Variants in DET1 observed in about 807,000 individuals in gnomAD.
DET1 encodes the protein DET1 homolog.
Under a neutral mutation model 43.7 loss-of-function variants are expected in DET1, and 22 were observed. The ratio of observed to expected loss-of-function variants is 0.50; its 90% CI spans 0.36 to 0.72. DET1 has a LOEUF of 0.72. Among genes scored for constraint, DET1 ranks in the 30% least tolerant of loss-of-function variants. DET1 has a pLI of 0.00. For synonymous variants in DET1, 315 were observed against 266.2 expected, an observed-to-expected ratio of 1.18 and a Z score of -1.79; for missense variants, 713 against 713.3, an observed-to-expected ratio of 1.00 and a Z score of 0.00.
chr15:88,512,817 G>A lies in DET1; in HGVS notation c.*134C>T. Reference sequence around the variant, plus strand: ...TTGAGCCACCCTCACTCCTCTCTCTGGCTCTCTCCCATCTGAGGTATAGCA... The same window carrying A: ...TTGAGCCACCCTCACTCCTCTCTCTAGCTCTCTCCCATCTGAGGTATAGCA... On this transcript the variant is annotated 3_prime_UTR_variant, in exon 5 of 5. Coordinates refer to ENST00000268148, the MANE Select transcript of DET1 (RefSeq NM_001144074.3). The A allele has an allele frequency of 6.9e-7, 1 of 1,444,396 alleles. No homozygotes were observed. Among genetic ancestry groups the A allele is most frequent in the Non-Finnish European group, 9.1e-7 (1 of 1,098,352 alleles). The allele number at this position is 1,444,396 out of a possible 1,614,324, so 89.5% of individuals were successfully genotyped here.
rs1320217640 is a variant in DET1, at chr15:88,531,389, G to C, written c.317C>G (p.Ser106Cys). 2.5e-6 allele frequency: 4 copies of C among 1,613,922 alleles called. No homozygotes were observed. The South Asian group carries it at 3.3e-5, about 13-fold the overall frequency. The change falls in exon 2 of 5, where the codon TCC becomes TGC. Residue 106 changes from serine (S) to cysteine (C), a missense_variant. Coordinates refer to ENST00000268148, the MANE Select transcript of DET1 (RefSeq NM_001144074.3). The surrounding 1 kb of genome is among the most constrained non-coding windows in gnomAD (Gnocchi z 6.2). ...CACTGACCGCTGGTCATTGCCATTG[G>C]ACAGGATTTCTCCTTCGTATCCCTG... ...LLQGYEGEIL[S>C]NGNDQRSVNI...
chr15:88,523,812 G>C (rs1487461140), intron 3 of DET1, among the ~76,000 whole-genome samples: 1 of 152,164 alleles, frequency 6.6e-6, no homozygotes, highest in African/African-American at 2.4e-5. Flanking sequence ...CCAGCCGCCT[G>C]CCTTGGCCTC....
At position 88,531,481 on chromosome 15, in the gene DET1, A is replaced by C. The variant is rs768570785; in HGVS notation, c.225T>G (p.Phe75Leu). ...TTTCAAGAGATGTCTGGTCTGAAGA[A>C]AAAGCAATAAAGTAGCGTCCATCAG... ...FSPDGRYFIA[F>L]SSDQTSLEIY... is the part of the protein sequence containing the mutation. Residue 75 changes from phenylalanine (F) to leucine (L), a missense_variant, in exon 2 of 5, where the codon TTT becomes TTG. By Grantham distance (22) the Phe-to-Leu change is conservative. Transcript: ENST00000268148. This position sits in a 1 kb window ranked among gnomAD's most constrained non-coding sequence, Gnocchi z 6.2. 1.9e-6 allele frequency: 3 copies of C among 1,614,034 alleles called. No individual in the cohort carries two copies. Among genetic ancestry groups the C allele is most frequent in the Non-Finnish European group, 2.5e-6 (3 of 1,179,904 alleles).
chr15:88,522,819 T>TG (rs1343194792), intron 3 of DET1, among the ~76,000 whole-genome samples: 1 of 151,420 alleles, frequency 6.6e-6, no homozygotes, highest in Non-Finnish European at 1.5e-5. Flanking sequence ...CGCACCCGGC[T>TG]GGAATGTTCC....
chr15:88,524,650 C>G (rs971917850), intron 3 of DET1, among the ~76,000 whole-genome samples: 1 of 152,168 alleles, frequency 6.6e-6, no homozygotes. Context: ...TGACCTTACC[C>G]CCAACCCTGT....
At chr15:88,534,640 A>C (rs973457422) in intron 1 of DET1, among the ~76,000 whole-genome samples, 2 of 152,144 alleles carry the variant, frequency 1.3e-5, no homozygotes, top group Non-Finnish European at 2.9e-5. Flanking sequence ...AATCATACTA[A>C]AGGCTTTGAG....
At chr15:88,527,183 T>G (rs2056685744) in intron 3 of DET1, among the ~76,000 whole-genome samples, 1 of 152,248 alleles carries the variant, frequency 6.6e-6, no homozygotes, top group African/African-American at 2.4e-5. Flanking sequence ...ATACCTCTAA[T>G]GTTTATACCT....
intron 1 of DET1, among the ~76,000 whole-genome samples, chr15:88,540,032 G>T (rs1156957070): frequency 1.3e-5 from 2 of 152,048 alleles, no homozygotes; most frequent in African/African-American, 4.8e-5. Flanking sequence ...TCTTAAAAAT[G>T]ACCTGAGTGG....
chr15:88,539,491 G>C (rs1185221063), intron 1 of DET1, among the ~76,000 whole-genome samples: 1 of 147,936 alleles, frequency 6.8e-6, no homozygotes, highest in African/African-American at 2.5e-5. Flanking sequence ...TGTCAAAACT[G>C]TTTACCTGCC....
At chr15:88,534,072 T>G (rs557046221) in intron 1 of DET1, among the ~76,000 whole-genome samples, 1 of 152,092 alleles carries the variant, frequency 6.6e-6, no homozygotes, top group Non-Finnish European at 1.5e-5. Flanking sequence ...ACTACTGAAC[T>G]GTACACTTAC....
chr15:88,533,940 AT>A (rs1206391309), intron 1 of DET1, among the ~76,000 whole-genome samples: 1 of 151,780 alleles, frequency 6.6e-6, no homozygotes, highest in African/African-American at 2.4e-5. Flanking sequence ...ACAAAGAAGA[AT>A]GGTGGTCACC....
intron 1 of DET1, among the ~76,000 whole-genome samples, chr15:88,539,114 T>A (rs10459695): frequency 0.087 from 13,263 of 151,632 alleles, 1,254 homozygotes; most frequent in East Asian, 0.51. Context: ...TCTCTCTCTC[T>A]CTTTCTCTTA....
At chr15:88,546,219 CT>C (rs1221864017) in intron 1 of DET1, 22 of 153,768 alleles carry the variant, frequency 1.4e-4, no homozygotes, top group African/African-American at 4.3e-4. Context: ...TCTAACACCC[CT>C]GGGTACAACA....
chr15:88,544,420 G>A (rs1026980772), intron 1 of DET1, among the ~76,000 whole-genome samples: 5 of 152,134 alleles, frequency 3.3e-5, no homozygotes, highest in Middle Eastern at 3.2e-3. Context: ...GCTAAGAGAT[G>A]CCCAACTGGC....
At chr15:88,529,036 T>C (rs1014019397) in intron 2 of DET1, among the ~76,000 whole-genome samples, 1 of 152,164 alleles carries the variant, frequency 6.6e-6, no homozygotes, top group Admixed American at 6.5e-5. Flanking sequence ...AGATTGGGTT[T>C]AGAGTTACAA....
chr15:88,517,075 A>G, intron 3 of DET1, 102 bp from the exon 4 acceptor site: 2 of 842,880 alleles, frequency 2.4e-6, no homozygotes, highest in Non-Finnish European at 3.6e-6. Flanking sequence ...TCATTCTTTA[A>G]ATACAAATTA....
chr15:88,523,117 C>G (rs552974862), intron 3 of DET1, among the ~76,000 whole-genome samples: 1 of 152,156 alleles, frequency 6.6e-6, no homozygotes, highest in South Asian at 2.1e-4. Context: ...CTCAAGCGAT[C>G]AGTCCACGCC....
At chr15:88,511,448 T>C (rs755938917), downstream of DET1, 386 of 985,404 alleles carry the variant, frequency 3.9e-4, no homozygotes, top group Non-Finnish European at 4.3e-4. Flanking sequence ...CATACTTCCA[T>C]GCCTTTGTAT....
intron 1 of DET1, among the ~76,000 whole-genome samples, chr15:88,536,768 C>T (rs1470778439): frequency 1.4e-5 from 1 of 71,672 alleles, no homozygotes; most frequent in African/African-American, 1.7e-4. Flanking sequence ...AAGACTCCAT[C>T]TCAAAAAAAA....
Sources: allele counts gnomAD v4.1 joint callset (sites outside exome capture counted in the v4.1 genomes callset), GRCh38; gene constraint gnomAD v4.1.1; non-coding constraint Gnocchi (gnomAD v3.1); transcripts MANE v1.5; gene names NCBI Gene and HGNC (gene_info 2026-07-23, HGNC 2026-07-21).